MDGA2: variants seen among roughly 807,000 people sequenced by gnomAD.
The protein encoded by MDGA2 is MAM domain-containing glycosylphosphatidylinositol anchor protein 2.
Under a neutral mutation model 117.8 loss-of-function variants are expected in MDGA2, and 40 were observed. The observed-to-expected ratio is 0.34, with a 90% CI of 0.26 to 0.44. MDGA2 has a LOEUF of 0.44. Ranked by LOEUF, MDGA2 falls within the 20% of genes least tolerant of loss-of-function variation. The probability of loss-of-function intolerance (pLI) is 1.00; values close to 1 mark genes in which losing one functional copy is unlikely to be tolerated. For missense variants in MDGA2, 1,123 were observed against 1,250.6 expected, an observed-to-expected ratio of 0.90 and a Z score of 1.54; for synonymous variants, 452 against 439.0, an observed-to-expected ratio of 1.03 and a Z score of -0.37.
At chr14:47,026,535 T>G (rs948305672) in intron 8 of MDGA2, among the ~76,000 whole-genome samples, 1 of 149,328 alleles carries the variant, frequency 6.7e-6, no homozygotes, top group African/African-American at 2.5e-5. Context: ...AATAAATTGA[T>G]AATATCACAG....
rs543122035 is a variant in MDGA2 at position 47,330,567 on chromosome 14, A to G, written c.281-29017T>C. On this transcript the variant is annotated intron_variant, in intron 1 of 16. Coordinates refer to ENST00000399232, the MANE Select transcript of MDGA2 (RefSeq NM_001113498.3). ...TCTTCAAAAAGAGAGGTTTAAATAT[A>G]CAGAGGATATGTCTTTGTCTCTGAT... 4.6e-5 allele frequency among the ~76,000 whole-genome samples: 7 copies of G among 152,050 alleles called. No homozygotes were observed. The South Asian group carries it at 1.5e-3, about 32-fold the overall frequency.
Position 47,188,590 on chromosome 14 carries a change from AT to A in MDGA2, c.595+29430del, listed in dbSNP as rs572660421. On this transcript the variant is annotated intron_variant, in intron 3 of 16. Coordinates refer to ENST00000399232, the MANE Select transcript of MDGA2 (RefSeq NM_001113498.3). ...AGTCCGGATGCACATAAGCTGTGAG[AT>A]AATAAATGTTGGTTATTTTAAGCCA... Among the ~76,000 whole-genome samples the A allele has an allele frequency of 3.7e-4, 57 of 152,326 alleles. No homozygotes were observed. The East Asian group carries it at 0.011, about 29-fold the overall frequency.
intron 6 of MDGA2, among the ~76,000 whole-genome samples, chr14:47,082,488 G>C (rs779922201): frequency 6.6e-6 from 1 of 152,084 alleles, no homozygotes; most frequent in Non-Finnish European, 1.5e-5. Flanking sequence ...TTATGTCCTA[G>C]GAATGGGGCA....
At chr14:46,853,927 T>C (rs1881161388) in intron 15 of MDGA2, among the ~76,000 whole-genome samples, 2 of 151,846 alleles carry the variant, frequency 1.3e-5, no homozygotes, top group African/African-American at 4.8e-5. Context: ...CACAATTGTA[T>C]TGATCTTCAT....
chr14:46,995,979 C>T (rs1240704866), intron 8 of MDGA2, among the ~76,000 whole-genome samples: 1 of 151,778 alleles, frequency 6.6e-6, no homozygotes, highest in East Asian at 1.9e-4. Flanking sequence ...TAAAAAAAAG[C>T]ACTGGTCTAT....
chr14:47,424,998 A>G (rs1202868874), intron 1 of MDGA2, among the ~76,000 whole-genome samples: 1 of 152,192 alleles, frequency 6.6e-6, no homozygotes, highest in Non-Finnish European at 1.5e-5. Flanking sequence ...GAAGGTAGAT[A>G]GGGGAAATCC....
intron 6 of MDGA2, among the ~76,000 whole-genome samples, chr14:47,092,496 A>G (rs576719019): frequency 2.0e-5 from 3 of 152,174 alleles, no homozygotes; most frequent in Non-Finnish European, 4.4e-5. Context: ...ACCAAATTTA[A>G]TTAGAAGGAT....
At chr14:46,998,443 G>A (rs1207427418) in intron 8 of MDGA2, among the ~76,000 whole-genome samples, 1 of 152,062 alleles carries the variant, frequency 6.6e-6, no homozygotes. Flanking sequence ...ATCTGGACAT[G>A]TTTAATAAAG....
At chr14:46,865,979 T>C (rs1487843649) in intron 14 of MDGA2, among the ~76,000 whole-genome samples, 6 of 151,368 alleles carry the variant, frequency 4.0e-5, no homozygotes, top group Non-Finnish European at 8.9e-5. Context: ...AGGTAATTTA[T>C]AGATTCAATG....
At chr14:47,114,619 C>T (rs958424669) in intron 5 of MDGA2, among the ~76,000 whole-genome samples, 8 of 152,008 alleles carry the variant, frequency 5.3e-5, no homozygotes, top group Non-Finnish European at 1.2e-4. Context: ...TAAAACTGCA[C>T]ATCTACAACC....
chr14:47,349,760 GT>G (rs1890838763), intron 1 of MDGA2, among the ~76,000 whole-genome samples: 1 of 152,174 alleles, frequency 6.6e-6, no homozygotes, highest in Admixed American at 6.5e-5. Context: ...AGTCCTTTCT[GT>G]TCTTCTCTGA....
At chr14:47,645,250 CTT>C (rs893191389) in intron 1 of MDGA2, among the ~76,000 whole-genome samples, 11 of 144,880 alleles carry the variant, frequency 7.6e-5, no homozygotes, top group East Asian at 2.0e-4. Flanking sequence ...TAATTCAATC[CTT>C]TTTTTTTTTT....
chr14:47,278,557 C>A (rs1027299004), intron 2 of MDGA2, among the ~76,000 whole-genome samples: 1 of 152,082 alleles, frequency 6.6e-6, no homozygotes, highest in East Asian at 1.9e-4. Context: ...AAATTATGGT[C>A]CAGTCATCTA....
Position 47,547,225 on chromosome 14 carries a change from A to G in MDGA2, c.280+127292T>C, listed in dbSNP as rs981388534. Among the ~76,000 whole-genome samples, 3 of 152,220 alleles carry G rather than the reference A, an allele frequency of 2.0e-5. No individual in the cohort carries two copies. In the South Asian group the frequency reaches 6.2e-4, roughly 32 times the overall value. Reference sequence around the variant, plus strand: ...CTTCTATACATGAAAGAAAGACTGCATCCAGTATATACAGAAGAGGGCCAG... The same window carrying G: ...CTTCTATACATGAAAGAAAGACTGCGTCCAGTATATACAGAAGAGGGCCAG... On this transcript the variant is annotated intron_variant, in intron 1 of 16. Transcript: ENST00000399232.
At chr14:47,151,722 C>A (rs1883171194) in intron 3 of MDGA2, among the ~76,000 whole-genome samples, 1 of 151,600 alleles carries the variant, frequency 6.6e-6, no homozygotes, top group African/African-American at 2.4e-5. Context: ...GGCCAAAATT[C>A]TTCACATATA....
At chr14:47,449,186 A>AT (rs1205325253) in intron 1 of MDGA2, among the ~76,000 whole-genome samples, 2 of 152,154 alleles carry the variant, frequency 1.3e-5, no homozygotes, top group East Asian at 3.9e-4. Context: ...GGCATATGGC[A>AT]TTTTTTTGTT....
intron 1 of MDGA2, among the ~76,000 whole-genome samples, chr14:47,574,831 A>G (rs1896087280): frequency 6.6e-6 from 1 of 152,208 alleles, no homozygotes; most frequent in Admixed American, 6.5e-5. Flanking sequence ...AAAGTTATGA[A>G]GCCAGTCACT....
chr14:47,069,637 A>G (rs907501086), intron 6 of MDGA2, among the ~76,000 whole-genome samples: 1 of 152,170 alleles, frequency 6.6e-6, no homozygotes, highest in Admixed American at 6.5e-5. Flanking sequence ...ATTTTGCCGT[A>G]ATTAGAAGCC....
At chr14:47,360,037 AAC>A (rs1238252667) in intron 1 of MDGA2, among the ~76,000 whole-genome samples, 1 of 152,112 alleles carries the variant, frequency 6.6e-6, no homozygotes, top group Non-Finnish European at 1.5e-5. Context: ...AAAAAAATAA[AAC>A]ACAAATAACT....
Sources: allele counts gnomAD v4.1 joint callset (sites outside exome capture counted in the v4.1 genomes callset), GRCh38; gene constraint gnomAD v4.1.1; transcripts MANE v1.5; gene names NCBI Gene and HGNC (gene_info 2026-07-23, HGNC 2026-07-21).